HPSE2: variants seen among roughly 807,000 people sequenced by gnomAD.
The protein encoded by HPSE2 is inactive heparanase-2.
In HPSE2, 38 loss-of-function variants were observed where a neutral mutation model predicts 60.5. That is an observed-to-expected ratio of 0.63 (90% CI 0.48 to 0.82). HPSE2 has a LOEUF of 0.82. Ranked by LOEUF, HPSE2 falls within the 40% of genes least tolerant of loss-of-function variation. The pLI, the probability that HPSE2 is intolerant of heterozygous loss-of-function variation, is 0.00. For missense variants in HPSE2, 713 were observed against 740.4 expected, an observed-to-expected ratio of 0.96 and a Z score of 0.43; for synonymous variants, 295 against 293.2, an observed-to-expected ratio of 1.01 and a Z score of -0.06.
the HPSE2 span, among the ~76,000 whole-genome samples, chr10:99,252,495 T>C: frequency 1.3e-5 from 2 of 152,156 alleles, no homozygotes; most frequent in African/African-American, 4.8e-5. Context: ...AAAATCAATG[T>C]ACAAAAATCA....
At chr10:98,486,694 A>G (rs1180967476) in intron 10 of HPSE2, among the ~76,000 whole-genome samples, 1 of 152,214 alleles carries the variant, frequency 6.6e-6, no homozygotes, top group African/African-American at 2.4e-5. Context: ...AAGGGAAAGG[A>G]GGATGATGCT....
At chr10:99,051,949 TAA>T (rs200859034) in intron 3 of HPSE2, among the ~76,000 whole-genome samples, 1 of 145,052 alleles carries the variant, frequency 6.9e-6, no homozygotes, top group South Asian at 2.2e-4. Flanking sequence ...TGCTTGAAAT[TAA>T]AAAAAAAAAA....
At chr10:98,672,660 T>C (rs1384399027) in intron 6 of HPSE2, among the ~76,000 whole-genome samples, 1 of 152,156 alleles carries the variant, frequency 6.6e-6, no homozygotes, top group East Asian at 1.9e-4. Context: ...TCAGAGTAAA[T>C]GATTCATGCA....
intron 2 of HPSE2, among the ~76,000 whole-genome samples, chr10:99,187,860 T>C (rs1242773479): frequency 1.3e-5 from 2 of 152,200 alleles, no homozygotes; most frequent in Admixed American, 6.5e-5. Context: ...ATATACCTAC[T>C]ACACAATCCA....
Position 98,745,197 on chromosome 10 carries a change from G to A in HPSE2, c.611-1141C>T, listed in dbSNP as rs141591821. On this transcript the variant is annotated intron_variant, in intron 3 of 11. Transcript: ENST00000370552. The stretch of plus-strand genomic sequence containing the variant: ...AGCCTGGGTGACAGAGTGAGGCTCC[G>A]TCTCAAATAAATAAATAAAATAAAA... Among the ~76,000 whole-genome samples the A allele has an allele frequency of 8.2e-4, 124 of 152,122 alleles. 1 individual carries two copies. Among genetic ancestry groups the A allele is most frequent in the African/African-American group, 2.7e-3 (113 of 41,488 alleles).
intron 3 of HPSE2, among the ~76,000 whole-genome samples, chr10:98,755,201 A>G (rs1222147332): frequency 6.6e-6 from 1 of 152,162 alleles, no homozygotes; most frequent in Non-Finnish European, 1.5e-5. Context: ...AACAGAAAAC[A>G]AAAAAGAGTA....
At chr10:98,999,543 C>T (rs1956729289) in intron 3 of HPSE2, among the ~76,000 whole-genome samples, 1 of 152,108 alleles carries the variant, frequency 6.6e-6, no homozygotes, top group South Asian at 2.1e-4. Context: ...TTCCCATGCA[C>T]CATGCTGCTT....
At chr10:98,853,263 A>G (rs1022519622) in intron 3 of HPSE2, among the ~76,000 whole-genome samples, 1 of 149,808 alleles carries the variant, frequency 6.7e-6, no homozygotes, top group Non-Finnish European at 1.5e-5. Flanking sequence ...AAGAAAACAC[A>G]AAGAGGAGAT....
At chr10:98,726,498 G>T (rs200336429) in intron 4 of HPSE2, among the ~76,000 whole-genome samples, 1 of 147,042 alleles carries the variant, frequency 6.8e-6, no homozygotes, top group African/African-American at 2.5e-5. Flanking sequence ...GGCAGGGGGA[G>T]GGGGGAGGGA....
At chr10:98,624,250 A>C (rs781332240) in intron 7 of HPSE2, among the ~76,000 whole-genome samples, 27 of 152,212 alleles carry the variant, frequency 1.8e-4, no homozygotes, top group Non-Finnish European at 2.9e-4. Context: ...CACGGTAGAG[A>C]GCAATTTGAC....
chr10:99,144,197 A>G (rs1589725437), intron 3 of HPSE2, 41 bp downstream of exon 3: 1 of 1,605,758 alleles, frequency 6.2e-7, no homozygotes, highest in Non-Finnish European at 8.5e-7. Context: ...CAAGTTACTA[A>G]CTGAATGCTC....
chr10:99,090,458 C>T (rs188839441), intron 3 of HPSE2, among the ~76,000 whole-genome samples: 131 of 152,042 alleles, frequency 8.6e-4, no homozygotes, highest in Middle Eastern at 3.4e-3. Context: ...ACAAGACCTT[C>T]CCAAAGCAGT....
intron 9 of HPSE2, among the ~76,000 whole-genome samples, chr10:98,586,899 TTC>T (rs1290203225): frequency 6.6e-6 from 1 of 152,206 alleles, no homozygotes; most frequent in African/African-American, 2.4e-5. Context: ...GGCCAGATTG[TTC>T]TGTGCTCAAA....
At chr10:98,585,951 CAAAAA>C (rs35839169) in intron 9 of HPSE2, among the ~76,000 whole-genome samples, 4,073 of 117,036 alleles carry the variant, frequency 0.035, 172 homozygotes, top group African/African-American at 0.12. Context: ...GACTGTGTCT[CAAAAA>C]AAAAAAAAAA....
In HPSE2 at chr10:99,164,430, T is replaced by C. The variant is rs1362569677; in HGVS notation, c.449-20031A>G. Among the ~76,000 whole-genome samples, 8 of 151,672 alleles carry C rather than the reference T, an allele frequency of 5.3e-5. No individual in the cohort carries two copies. The East Asian group carries it at 5.8e-4, about 11-fold the overall frequency. On this transcript the variant is annotated intron_variant, in intron 2 of 11. Coordinates refer to ENST00000370552, the MANE Select transcript of HPSE2 (RefSeq NM_021828.5). The stretch of plus-strand genomic sequence containing the variant: ...TATTTTTTTTTAAGCACTTCCTTAC[T>C]TTCTGGCACCACAAATGTCCCAGTC...
At chr10:99,260,832 T>C in the HPSE2 span, among the ~76,000 whole-genome samples, 1 of 152,128 alleles carries the variant, frequency 6.6e-6, no homozygotes, top group East Asian at 1.9e-4. Flanking sequence ...CCTCCTTCAC[T>C]ATGGGCAACC....
chr10:98,527,721 C>T (rs1943012291), intron 9 of HPSE2, among the ~76,000 whole-genome samples: 1 of 152,158 alleles, frequency 6.6e-6, no homozygotes, highest in African/African-American at 2.4e-5. Flanking sequence ...GAGTAAGAGG[C>T]TATGTCTGTT....
intron 8 of HPSE2, among the ~76,000 whole-genome samples, chr10:98,619,328 C>T (rs1946009106): frequency 6.6e-6 from 1 of 152,208 alleles, no homozygotes; most frequent in Non-Finnish European, 1.5e-5. Context: ...CCACATGACA[C>T]TGGCAGGCTA....
chr10:98,536,649 T>C (rs1358398828), intron 9 of HPSE2, among the ~76,000 whole-genome samples: 1 of 152,196 alleles, frequency 6.6e-6, no homozygotes, highest in Non-Finnish European at 1.5e-5. Flanking sequence ...AGATTCGTGC[T>C]GGAGAATTAG....
Sources: allele counts gnomAD v4.1 joint callset (sites outside exome capture counted in the v4.1 genomes callset), GRCh38; gene constraint gnomAD v4.1.1; transcripts MANE v1.5; gene names NCBI Gene and HGNC (gene_info 2026-07-23, HGNC 2026-07-21).